HMBOX1: variants seen among roughly 807,000 people sequenced by gnomAD.
The protein encoded by HMBOX1 is homeobox-containing protein 1.
A neutral mutation model predicts 54.5 loss-of-function variants in HMBOX1; 14 were observed. The ratio of observed to expected loss-of-function variants is 0.26; its 90% CI spans 0.17 to 0.40. The LOEUF is 0.40. HMBOX1 is among the 10% of genes least tolerant of loss of function. The pLI, the probability that HMBOX1 is intolerant of heterozygous loss-of-function variation, is 1.00. For missense variants in HMBOX1, 332 were observed against 514.4 expected, an observed-to-expected ratio of 0.65 and a Z score of 3.43; for synonymous variants, 160 against 181.0, an observed-to-expected ratio of 0.88 and a Z score of 0.93.
chr8:28,942,247 C>T (rs1440560790), intron 1 of HMBOX1, among the ~76,000 whole-genome samples: 2 of 152,218 alleles, frequency 1.3e-5, no homozygotes, highest in Admixed American at 6.5e-5. Context: ...CCCCTTCACC[C>T]GCTCTAGGTT....
At chr8:28,992,535 A>AT (rs1383968278) in intron 4 of HMBOX1, among the ~76,000 whole-genome samples, 2 of 152,054 alleles carry the variant, frequency 1.3e-5, no homozygotes, top group African/African-American at 4.8e-5. Flanking sequence ...ATGTTAGAAA[A>AT]TTTATTCATG....
chr8:28,932,665 C>A (rs1459061281), intron 1 of HMBOX1, among the ~76,000 whole-genome samples: 1 of 152,186 alleles, frequency 6.6e-6, no homozygotes, highest in Non-Finnish European at 1.5e-5. Context: ...GACTGACTAA[C>A]CACTTCAAAA....
At chr8:28,978,882 A>C (rs989753942) in intron 3 of HMBOX1, among the ~76,000 whole-genome samples, 3 of 152,206 alleles carry the variant, frequency 2.0e-5, no homozygotes, top group Non-Finnish European at 2.9e-5. Context: ...GTCAATACAG[A>C]ATAATAATAA....
At chr8:29,031,628 G>A (rs1471550000) in intron 6 of HMBOX1, among the ~76,000 whole-genome samples, 1 of 151,460 alleles carries the variant, frequency 6.6e-6, no homozygotes, top group Non-Finnish European at 1.5e-5. Context: ...CACCAGCTAT[G>A]TGTCCTTATG....
In HMBOX1 at chr8:29,052,392, T is replaced by TAA. The variant is rs1458455420; in HGVS notation, c.*1238_*1239dup. On this transcript the variant is annotated 3_prime_UTR_variant, in exon 10 of 10. Coordinates refer to ENST00000287701, the MANE Select transcript of HMBOX1 (RefSeq NM_001135726.3). ...GTATTGCTACAGGCAATTTATTTAA[T>TAA]AATTGGAAGCCATATTGATAATGGA... The TAA allele has an allele frequency of 6.6e-6, 1 of 152,270 alleles. No individual in the cohort carries two copies. Among genetic ancestry groups the TAA allele is most frequent in the African/African-American group, 2.4e-5 (1 of 41,476 alleles). The allele number at this position is 152,270 out of a possible 1,614,324, so 9.4% of individuals were successfully genotyped here. A position where few individuals can be genotyped will look rare whatever the true frequency, so the allele number is the denominator to read the frequency against.
chr8:28,892,217 A>C (rs1224604613), intron 1 of HMBOX1, among the ~76,000 whole-genome samples: 1 of 152,234 alleles, frequency 6.6e-6, no homozygotes, highest in East Asian at 1.9e-4. Context: ...GCTTTGCATT[A>C]AACTTATTTT....
At chr8:28,971,119 C>G (rs1480762886) in intron 3 of HMBOX1, among the ~76,000 whole-genome samples, 1 of 116,036 alleles carries the variant, frequency 8.6e-6, no homozygotes, top group Non-Finnish European at 1.7e-5. Flanking sequence ...GAGACAGAGT[C>G]TTGCTCTGTA....
intron 1 of HMBOX1, among the ~76,000 whole-genome samples, chr8:28,939,067 A>G (rs1462407506): frequency 2.0e-5 from 3 of 152,108 alleles, no homozygotes; most frequent in Non-Finnish European, 2.9e-5. Flanking sequence ...AGGTGGGCGG[A>G]TCACCTGAGG....
chr8:28,910,827 T>A (rs1172424903), intron 1 of HMBOX1, among the ~76,000 whole-genome samples: 4 of 152,232 alleles, frequency 2.6e-5, no homozygotes, highest in Middle Eastern at 3.2e-3. Flanking sequence ...CTTTTCTTTC[T>A]CTTACTGATT....
At chr8:29,049,533 C>A in intron 9 of HMBOX1, 1 of 1,308,814 alleles carries the variant, frequency 7.6e-7, no homozygotes, top group Non-Finnish European at 1.0e-6. Context: ...GGGAACCCTC[C>A]TGCCCAAAGG....
intron 4 of HMBOX1, among the ~76,000 whole-genome samples, chr8:28,999,004 A>G (rs1180316385): frequency 6.6e-6 from 1 of 152,160 alleles, no homozygotes; most frequent in Non-Finnish European, 1.5e-5. Context: ...TTTATAAATA[A>G]AAAAGGAGTT....
At chr8:28,913,050 A>G (rs987759957) in intron 1 of HMBOX1, among the ~76,000 whole-genome samples, 3 of 151,966 alleles carry the variant, frequency 2.0e-5, no homozygotes, top group Non-Finnish European at 4.4e-5. Flanking sequence ...AAATATCACC[A>G]TTTCACCATT....
intron 4 of HMBOX1, among the ~76,000 whole-genome samples, chr8:28,994,031 G>A (rs1831393581): frequency 6.6e-6 from 1 of 152,056 alleles, no homozygotes; most frequent in South Asian, 2.1e-4. Context: ...GCCGGATGTG[G>A]TGGTGCATGC....
chr8:28,987,206 G>T (rs1331918609), intron 4 of HMBOX1, among the ~76,000 whole-genome samples: 1 of 152,184 alleles, frequency 6.6e-6, no homozygotes, highest in Non-Finnish European at 1.5e-5. Context: ...GTTAGGCACA[G>T]ATGTGGTTTT....
intron 1 of HMBOX1, among the ~76,000 whole-genome samples, chr8:28,927,585 C>T (rs1457775924): frequency 6.6e-6 from 1 of 151,888 alleles, no homozygotes; most frequent in Non-Finnish European, 1.5e-5. Flanking sequence ...TCACTCACTC[C>T]CTTGAGAATA....
At chr8:29,001,198 G>A (rs561558149) in intron 4 of HMBOX1, among the ~76,000 whole-genome samples, 3 of 152,210 alleles carry the variant, frequency 2.0e-5, no homozygotes, top group African/African-American at 7.2e-5. Flanking sequence ...GCACCAATTA[G>A]CCTGTGCTGT....
At chr8:28,903,575 C>G (rs1468635035) in intron 1 of HMBOX1, among the ~76,000 whole-genome samples, 1 of 152,072 alleles carries the variant, frequency 6.6e-6, no homozygotes, top group Non-Finnish European at 1.5e-5. Flanking sequence ...TTGATCTCAG[C>G]AAAAGATATG....
intron 4 of HMBOX1, among the ~76,000 whole-genome samples, chr8:29,006,952 A>G (rs1833539194): frequency 6.6e-6 from 1 of 152,182 alleles, no homozygotes; most frequent in Admixed American, 6.5e-5. Flanking sequence ...TTGACATGAA[A>G]ATCAATGTTG....
intron 1 of HMBOX1, among the ~76,000 whole-genome samples, chr8:28,954,218 T>C (rs916274661): frequency 1.5e-4 from 23 of 152,184 alleles, no homozygotes; most frequent in African/African-American, 5.3e-4. Context: ...TTTAAACTTT[T>C]TTGGTTTTAT....
Sources: allele counts gnomAD v4.1 joint callset (sites outside exome capture counted in the v4.1 genomes callset), GRCh38; gene constraint gnomAD v4.1.1; transcripts MANE v1.5; gene names NCBI Gene and HGNC (gene_info 2026-07-23, HGNC 2026-07-21).